BAALC: variants seen among roughly 807,000 people sequenced by gnomAD.
The protein encoded by BAALC is BAALC binder of MAP3K1 and KLF4.
Under a neutral mutation model 15.5 loss-of-function variants are expected in BAALC, and 9 were observed. The observed-to-expected ratio is 0.58, with a 90% CI of 0.35 to 1.02. BAALC has a LOEUF of 1.02. BAALC is among the 50% of genes least tolerant of loss of function. The pLI is 0.02. For synonymous variants in BAALC, 80 were observed against 74.6 expected (o/e 1.07, Z -0.37); for missense variants, 201 against 192.4 (o/e 1.04, Z -0.27).
intron 1 of BAALC, 37 bp downstream of exon 1, chr8:103,141,094 G>T (rs1444449283): frequency 7.2e-7 from 1 of 1,396,058 alleles, no homozygotes; most frequent in African/African-American, 1.5e-5. Flanking sequence ...TCGCCCGCCC[G>T]CTACCCCGGG....
At chr8:103,222,112 G>A (rs2130091186) in intron 2 of BAALC, among the ~76,000 whole-genome samples, 1 of 152,270 alleles carries the variant, frequency 6.6e-6, no homozygotes, top group Non-Finnish European at 1.5e-5. Flanking sequence ...TCTGCAGAAA[G>A]GAATGTTCAG....
At chr8:103,170,584 T>G (rs1391823693) in intron 1 of BAALC, among the ~76,000 whole-genome samples, 3 of 152,118 alleles carry the variant, frequency 2.0e-5, no homozygotes, top group Non-Finnish European at 2.9e-5. Context: ...CTACGGACTG[T>G]CCACAGCCAC....
At chr8:103,142,122 T>G (rs1303856499) in intron 1 of BAALC, among the ~76,000 whole-genome samples, 2 of 152,182 alleles carry the variant, frequency 1.3e-5, no homozygotes, top group Admixed American at 1.3e-4. Flanking sequence ...GAAAATAGGG[T>G]TAATTTGAAG....
At position 103,206,511 on chromosome 8, in the gene BAALC, C is replaced by G. The variant is rs192784498; in HGVS notation, c.161-6408C>G. Among the ~76,000 whole-genome samples, 245 of 152,278 alleles carry G rather than the reference C, an allele frequency of 1.6e-3. 1 individual carries two copies. Among genetic ancestry groups the G allele is most frequent in the Non-Finnish European group, 2.5e-3 (173 of 68,022 alleles). ...CAATGTGCCGCCGCAGACCCTTCCC[C>G]TCTAAAGCTAATTCCTCCCATTGGT... On this transcript the variant is annotated intron_variant, in intron 1 of 2. Coordinates refer to ENST00000309982, the MANE Select transcript of BAALC (RefSeq NM_024812.3).
chr8:103,213,079 C>A lies in BAALC; in HGVS notation c.321C>A (p.Thr107=), dbSNP rs1485827426. The A allele has an allele frequency of 2.5e-6, 4 of 1,613,682 alleles. No homozygotes were observed. Among genetic ancestry groups the A allele is most frequent in the Admixed American group, 3.3e-5 (2 of 59,994 alleles). ...CCCAGAAACAGAATGGCCTTCAGAC[C>A]ACAGAGGTAGGGTTGCAGCCACAGA... ...PLTQKQNGLQ[T]TEAKRDAKRM... Residue 107 remains threonine, a synonymous_variant, in exon 2 of 3, where the codon ACC becomes ACA. Transcript: ENST00000309982.
At chr8:103,187,608 T>A (rs1253560960) in intron 1 of BAALC, among the ~76,000 whole-genome samples, 1 of 152,154 alleles carries the variant, frequency 6.6e-6, no homozygotes, top group Admixed American at 6.5e-5. Context: ...TTAGTTAATA[T>A]TTTGGCAAAC....
intron 1 of BAALC, among the ~76,000 whole-genome samples, chr8:103,178,506 A>T (rs1811652234): frequency 1.3e-5 from 2 of 152,212 alleles, no homozygotes; most frequent in African/African-American, 4.8e-5. Flanking sequence ...ATTAGAAAAG[A>T]GCACACAGAT....
At chr8:103,201,400 T>C (rs888867327) in intron 1 of BAALC, among the ~76,000 whole-genome samples, 2 of 151,956 alleles carry the variant, frequency 1.3e-5, no homozygotes, top group Non-Finnish European at 2.9e-5. Context: ...GTTGGGATTG[T>C]ACAGGTAAAC....
chr8:103,157,353 C>T (rs72671376), intron 1 of BAALC, among the ~76,000 whole-genome samples: 13,129 of 151,984 alleles, frequency 0.086, 755 homozygotes, highest in Middle Eastern at 0.13. Context: ...ATATAATAAA[C>T]CCCCACGTAT....
At chr8:103,190,645 G>C (rs1811945649) in intron 1 of BAALC, among the ~76,000 whole-genome samples, 1 of 152,186 alleles carries the variant, frequency 6.6e-6, no homozygotes, top group Non-Finnish European at 1.5e-5. Context: ...TAACTTATGA[G>C]TGTTGAACAT....
At chr8:103,166,950 G>A (rs1319461442) in intron 1 of BAALC, among the ~76,000 whole-genome samples, 3 of 152,174 alleles carry the variant, frequency 2.0e-5, no homozygotes, top group African/African-American at 4.8e-5. Flanking sequence ...TAATTCTAAT[G>A]ATTGGTTTGT....
At chr8:103,200,503 G>A (rs1343333941) in intron 1 of BAALC, among the ~76,000 whole-genome samples, 1 of 152,036 alleles carries the variant, frequency 6.6e-6, no homozygotes, top group East Asian at 1.9e-4. Context: ...AAAACAACCA[G>A]GAAAACAGCT....
At chr8:103,213,308 T>C (rs2201370) in intron 2 of BAALC, 80,155 of 496,466 alleles carry the variant, frequency 0.16, 7,202 homozygotes, top group South Asian at 0.24. Context: ...TTTGCTTAAG[T>C]ACAGCTTTAT....
chr8:103,217,300 C>G (rs904326218), intron 2 of BAALC, among the ~76,000 whole-genome samples: 1 of 152,218 alleles, frequency 6.6e-6, no homozygotes, highest in Non-Finnish European at 1.5e-5. Flanking sequence ...AAGGCCAACG[C>G]AAAGGTTTTC....
intron 1 of BAALC, among the ~76,000 whole-genome samples, chr8:103,187,971 G>T (rs529143990): frequency 6.6e-6 from 1 of 152,276 alleles, no homozygotes; most frequent in South Asian, 2.1e-4. Context: ...CTGTGTGTCA[G>T]TTAGGACTCT....
intron 1 of BAALC, among the ~76,000 whole-genome samples, chr8:103,162,251 C>T (rs374591503): frequency 1.4e-4 from 21 of 152,296 alleles, no homozygotes; most frequent in African/African-American, 5.1e-4. Context: ...AATGAGCCAC[C>T]ATGCCCAGCT....
At chr8:103,211,519 C>T (rs1812446025) in intron 1 of BAALC, among the ~76,000 whole-genome samples, 1 of 152,138 alleles carries the variant, frequency 6.6e-6, no homozygotes, top group African/African-American at 2.4e-5. Flanking sequence ...AAATTCTTTT[C>T]TGAATACCAT....
At chr8:103,170,420 G>A (rs777345191) in intron 1 of BAALC, among the ~76,000 whole-genome samples, 14 of 152,084 alleles carry the variant, frequency 9.2e-5, no homozygotes, top group Non-Finnish European at 1.8e-4. Flanking sequence ...TGTTATCAAG[G>A]TAAGATGAGA....
chr8:103,158,680 CATACA>C (rs1199619308), intron 1 of BAALC, among the ~76,000 whole-genome samples: 3 of 137,936 alleles, frequency 2.2e-5, no homozygotes, highest in Admixed American at 7.4e-5. Context: ...ATATACAATA[CATACA>C]ATACATACAT....
Sources: allele counts gnomAD v4.1 joint callset (sites outside exome capture counted in the v4.1 genomes callset), GRCh38; gene constraint gnomAD v4.1.1; transcripts MANE v1.5; gene names NCBI Gene and HGNC (gene_info 2026-07-23, HGNC 2026-07-21).